SPAST: variants seen among roughly 807,000 people sequenced by gnomAD.
SPAST encodes the protein spastin.
SPAST carries 30 observed loss-of-function variants against 76.6 expected under a neutral mutation model. The observed-to-expected ratio is 0.39, with a 90% CI of 0.29 to 0.53. The LOEUF is 0.53. Among genes scored for constraint, SPAST ranks in the 20% least tolerant of loss-of-function variants. The pLI is 0.68. For synonymous variants in SPAST, 305 were observed against 281.0 expected (o/e 1.09, Z -0.86); for missense variants, 717 against 770.5 (o/e 0.93, Z 0.82).
At chr2:32,133,456 A>G (rs765827278) in intron 9 of SPAST, among the ~76,000 whole-genome samples, 9 of 152,182 alleles carry the variant, frequency 5.9e-5, no homozygotes, top group Non-Finnish European at 1.3e-4. Context: ...ATCATAGACA[A>G]AGCTAGCATG....
intron 4 of SPAST, among the ~76,000 whole-genome samples, chr2:32,100,284 C>A (rs1329657622): frequency 7.3e-6 from 1 of 137,694 alleles, no homozygotes; most frequent in African/African-American, 2.7e-5. Flanking sequence ...TTTTTCATAT[C>A]TTTGTTTTTG....
intron 4 of SPAST, among the ~76,000 whole-genome samples, chr2:32,109,462 T>A (rs1678450020): frequency 6.6e-6 from 1 of 152,090 alleles, no homozygotes; most frequent in African/African-American, 2.4e-5. Flanking sequence ...CCCTTCTGTT[T>A]CTTTCCTCTC....
Position 32,063,874 on chromosome 2 carries a change from G to T in SPAST, c.43G>T (p.Gly15Cys). 1 of 1,585,516 alleles carries T rather than the reference G, an allele frequency of 6.3e-7. No homozygotes were observed. Among genetic ancestry groups the T allele is most frequent in the Non-Finnish European group, 8.5e-7 (1 of 1,170,080 alleles). Residue 15 changes from glycine to cysteine, a missense_variant, in exon 1 of 17, where the codon GGC becomes TGC. This residue lies in a region of SPAST where 543 missense variants were observed against 445.2 expected (regional missense o/e 1.22). Transcript: ENST00000315285. ...GGRGKKKGSG[G>C]ASNPVPPRPP... The stretch of plus-strand genomic sequence containing the variant: ...ACGAGGGAAGAAGAAAGGCTCCGGC[G>T]GCGCCAGCAACCCGGTGCCTCCCAG...
intron 1 of SPAST, among the ~76,000 whole-genome samples, chr2:32,074,427 T>G (rs1169826160): frequency 4.6e-5 from 7 of 152,118 alleles, no homozygotes; most frequent in African/African-American, 1.7e-4. Context: ...AAGTGCCAGG[T>G]CAAATACCAA....
At chr2:32,112,079 A>G (rs1678636329) in intron 4 of SPAST, among the ~76,000 whole-genome samples, 1 of 149,306 alleles carries the variant, frequency 6.7e-6, no homozygotes, top group South Asian at 2.1e-4. Context: ...CAGCCTCCTG[A>G]GTAGCTGGGA....
chr2:32,063,795 A>C lies in SPAST; in HGVS notation c.-37A>C. 5 of 1,551,562 alleles carry C rather than the reference A, an allele frequency of 3.2e-6. No individual in the cohort carries two copies. The highest frequency in any genetic ancestry group is 3.5e-6 in the Non-Finnish European group (4 of 1,157,874). On this transcript the variant is annotated 5_prime_UTR_variant, in exon 1 of 17. Coordinates refer to ENST00000315285, the MANE Select transcript of SPAST (RefSeq NM_014946.4). ...CGCTTGGTTCCCGTCGGTCTGCGGG[A>C]GGCGGGTTATGGCGGCGGCGGCAGT...
intron 1 of SPAST, among the ~76,000 whole-genome samples, chr2:32,074,951 C>G (rs2148696974): frequency 6.6e-6 from 1 of 152,122 alleles, no homozygotes; most frequent in Middle Eastern, 3.4e-3. Context: ...ATGCTTAGTG[C>G]TTGCACATAA....
Position 32,063,725 on chromosome 2 carries a change from C to CCTCCTGAG in SPAST, c.-107_-106insCTCCTGAG. On this transcript the variant is annotated 5_prime_UTR_variant, in exon 1 of 17. Transcript: ENST00000315285. ...GTGCGGAGCTCCTGAGACCGGCGGG[C>CCTCCTGAG]ACACGGGGGTCTGTGGCCCCCGCCG... 7.0e-7 allele frequency: 1 copy of CCTCCTGAG among 1,432,114 alleles called. No homozygotes were observed. The highest frequency in any genetic ancestry group is 9.3e-7 in the Non-Finnish European group (1 of 1,072,398). The allele number at this position is 1,432,114 out of a possible 1,614,324, so 88.7% of individuals were successfully genotyped here.
chr2:32,123,360 A>G (rs1160580899), intron 7 of SPAST, among the ~76,000 whole-genome samples: 1 of 152,220 alleles, frequency 6.6e-6, no homozygotes, highest in Non-Finnish European at 1.5e-5. Context: ...GAGAAGAATT[A>G]TAGCACTCAT....
At chr2:32,100,320 C>CTTT (rs77790719) in intron 4 of SPAST, among the ~76,000 whole-genome samples, 1 of 128,062 alleles carries the variant, frequency 7.8e-6, no homozygotes, top group African/African-American at 2.8e-5. Flanking sequence ...TTATTGGTTA[C>CTTT]TTTTTTTTTT....
chr2:32,133,677 C>T (rs936773760), intron 9 of SPAST, among the ~76,000 whole-genome samples: 1 of 150,484 alleles, frequency 6.6e-6, no homozygotes, highest in Non-Finnish European at 1.5e-5. Flanking sequence ...AACGAACATT[C>T]ACATAGTTCT....
At chr2:32,102,184 C>A (rs1372665031) in intron 4 of SPAST, among the ~76,000 whole-genome samples, 2 of 152,124 alleles carry the variant, frequency 1.3e-5, no homozygotes, top group Non-Finnish European at 2.9e-5. Context: ...TTGAAGAGGT[C>A]CTTCACATCC....
chr2:32,138,029 G>A (rs78970848), intron 12 of SPAST, among the ~76,000 whole-genome samples: 1 of 152,126 alleles, frequency 6.6e-6, no homozygotes, highest in Non-Finnish European at 1.5e-5. Flanking sequence ...GTATTCCATG[G>A]TGTGTACGTA....
Position 32,146,253 on chromosome 2 carries a change from C to T in SPAST, c.1688-965C>T, listed in dbSNP as rs190747237. ...CAAAATTTGGGTTTAAAAAAAGATT[C>T]GCATCCATTAAAGTACAGAAAATGG... On this transcript the variant is annotated intron_variant, in intron 15 of 16. Coordinates refer to ENST00000315285, the MANE Select transcript of SPAST (RefSeq NM_014946.4). Among the ~76,000 whole-genome samples, 537 of 152,180 alleles carry T rather than the reference C, an allele frequency of 3.5e-3. 3 individuals are homozygous for T. The highest frequency in any genetic ancestry group is 5.5e-3 in the Non-Finnish European group (377 of 68,008).
intron 1 of SPAST, among the ~76,000 whole-genome samples, chr2:32,085,538 T>C (rs1162556825): frequency 6.6e-6 from 1 of 152,094 alleles, no homozygotes; most frequent in Non-Finnish European, 1.5e-5. Flanking sequence ...TTTCTTTACA[T>C]GTCCTTATCA....
At chr2:32,099,766 T>C (rs1351668860) in intron 4 of SPAST, among the ~76,000 whole-genome samples, 2 of 152,132 alleles carry the variant, frequency 1.3e-5, no homozygotes, top group African/African-American at 2.4e-5. Context: ...GAGCTTACTC[T>C]TTCTATCTAG....
chr2:32,138,833 T>C lies in SPAST; in HGVS notation c.1493+1645T>C, dbSNP rs1022640172. ...CTTTAATCCACCTTGAGTTAATTTTTGTATATGGTGAAAAGTAAGGGTCCA... is the reference window on the plus strand; with the variant it reads ...CTTTAATCCACCTTGAGTTAATTTTCGTATATGGTGAAAAGTAAGGGTCCA... On this transcript the variant is annotated intron_variant, in intron 12 of 16. Coordinates refer to ENST00000315285, the MANE Select transcript of SPAST (RefSeq NM_014946.4). Among the ~76,000 whole-genome samples the C allele has an allele frequency of 1.7e-4, 26 of 152,228 alleles. 1 individual carries two copies. The highest frequency in any genetic ancestry group is 5.9e-5 in the Non-Finnish European group (4 of 68,044).
chr2:32,144,772 C>A (rs1679831349), intron 14 of SPAST, among the ~76,000 whole-genome samples, 165 bp from the exon 15 acceptor site: 1 of 152,026 alleles, frequency 6.6e-6, no homozygotes, highest in Non-Finnish European at 1.5e-5. Flanking sequence ...GCCTATAATC[C>A]CAGCTACCTG....
chr2:32,094,926 G>A (rs1013075811), intron 3 of SPAST, among the ~76,000 whole-genome samples: 3 of 152,198 alleles, frequency 2.0e-5, no homozygotes, highest in South Asian at 2.1e-4. Flanking sequence ...CCGAGGTTGC[G>A]CCACTGCCCT....
Sources: gnomAD v4.1 joint callset for allele counts (sites outside exome capture counted in the v4.1 genomes callset) on GRCh38, gnomAD v4.1.1 for gene constraint, gnomAD v4.1.1 regional missense constraint, MANE v1.5 for transcripts, NCBI Gene and HGNC (gene_info 2026-07-23, HGNC 2026-07-21) for gene names.